Variants in KCNC4 observed in about 807,000 individuals in gnomAD.
KCNC4 encodes voltage-gated potassium channel KCNC4.
KCNC4 carries 23 observed loss-of-function variants against 42.8 expected under a neutral mutation model. The ratio of observed to expected loss-of-function variants is 0.54; its 90% CI spans 0.39 to 0.76. The LOEUF is 0.76. Among genes scored for constraint, KCNC4 ranks in the 30% least tolerant of loss-of-function variants. The probability of loss-of-function intolerance (pLI) is 0.00; values close to 1 mark genes in which losing one functional copy is unlikely to be tolerated. For synonymous variants in KCNC4, 422 were observed against 393.5 expected, an observed-to-expected ratio of 1.07 and a Z score of -0.86; for missense variants, 751 against 898.2, an observed-to-expected ratio of 0.84 and a Z score of 2.10.
intron 1 of KCNC4, among the ~76,000 whole-genome samples, chr1:110,264,923 A>T (rs1659511353): frequency 6.6e-6 from 1 of 152,106 alleles, no homozygotes; most frequent in South Asian, 2.1e-4. Context: ...CTCTACTAAA[A>T]ATACAAAAAT....
chr1:110,231,527 C>G (rs1658692196), intron 3 of KCNC4, among the ~76,000 whole-genome samples: 1 of 118,858 alleles, frequency 8.4e-6, no homozygotes, highest in African/African-American at 3.3e-5. Flanking sequence ...TCTGTCTCAT[C>G]CTAGACCCAT....
rs895665088 is a variant in KCNC4, at chr1:110,211,188, G to A, written c.-312G>A. 6.6e-6 allele frequency among the ~76,000 whole-genome samples: 1 copy of A among 152,222 alleles called. No homozygotes were observed. The highest frequency in any genetic ancestry group is 1.5e-5 in the Non-Finnish European group (1 of 68,046). On this transcript the variant is annotated 5_prime_UTR_variant, in exon 1 of 4. Coordinates refer to ENST00000438661, the MANE Select transcript of KCNC4 (RefSeq NM_001039574.3). The surrounding 1 kb of genome is among the most constrained non-coding windows in gnomAD (Gnocchi z 6.5). ...CGGGGGCGTGTCCCCGGCCCAGAGC[G>A]TTTGTGTGTCCCGTCGTAGCGGGGG...
At chr1:110,257,956 A>T (rs1415514123) in intron 1 of KCNC4, among the ~76,000 whole-genome samples, 2 of 152,186 alleles carry the variant, frequency 1.3e-5, no homozygotes, top group Non-Finnish European at 2.9e-5. Flanking sequence ...TGCATGCCTG[A>T]CCTGTCTGCC....
chr1:110,211,945 G>T lies in KCNC4; in HGVS notation c.446G>T (p.Arg149Leu). The T allele has an allele frequency of 6.2e-7, 1 of 1,611,392 alleles. No homozygotes were observed. The highest frequency in any genetic ancestry group is 8.5e-7 in the Non-Finnish European group (1 of 1,179,768). Residue 149 changes from arginine (R) to leucine (L), a missense_variant, in exon 1 of 4, where the codon CGG becomes CTG. By Grantham distance (102) the Arg-to-Leu change is moderately radical. Transcript: ENST00000438661. This position sits in a 1 kb window ranked among gnomAD's most constrained non-coding sequence, Gnocchi z 6.5. The stretch of plus-strand genomic sequence containing the variant: ...GAACCCTGCTGCTGGATGACCTACC[G>T]GCAGCACCGCGACGCCGAGGAGGCG... ...DVEPCCWMTY[R>L]QHRDAEEALD...
At chr1:110,252,564 G>A (rs1659266052), downstream of KCNC4, among the ~76,000 whole-genome samples, 1 of 152,172 alleles carries the variant, frequency 6.6e-6, no homozygotes, top group African/African-American at 2.4e-5. Flanking sequence ...TCACCGGAGA[G>A]AGGTTGGATG....
At chr1:110,230,231 A>G (rs1484194843) in intron 3 of KCNC4, among the ~76,000 whole-genome samples, 1 of 152,176 alleles carries the variant, frequency 6.6e-6, no homozygotes, top group African/African-American at 2.4e-5. Context: ...TGCTCTCAGA[A>G]TGAAGTGACC....
chr1:110,273,262 G>A (rs999008240), intron 1 of KCNC4, among the ~76,000 whole-genome samples: 8 of 152,090 alleles, frequency 5.3e-5, no homozygotes, highest in African/African-American at 1.9e-4. Flanking sequence ...CATAGATATG[G>A]GCCTGACCCT....
At chr1:110,232,827 C>G in intron 3 of KCNC4, 84 bp from the exon 4 acceptor site, 1 of 1,552,488 alleles carries the variant, frequency 6.4e-7, no homozygotes, top group Admixed American at 2.0e-5. Context: ...TTTTGCTGAA[C>G]TCCCTGTCCC....
At chr1:110,218,590 C>CG in intron 1 of KCNC4, among the ~76,000 whole-genome samples, 2 of 151,954 alleles carry the variant, frequency 1.3e-5, no homozygotes, top group African/African-American at 4.8e-5. Flanking sequence ...TGTAAGGTCC[C>CG]GGGGCAAGGG....
At chr1:110,279,217 C>T (rs1472764431) in intron 1 of KCNC4, among the ~76,000 whole-genome samples, 1 of 152,190 alleles carries the variant, frequency 6.6e-6, no homozygotes, top group Non-Finnish European at 1.5e-5. Flanking sequence ...TGAGCTGGAG[C>T]ATGGCTAAAC....
downstream of KCNC4, chr1:110,237,092 G>A (rs181340379): frequency 1.2e-4 from 19 of 152,074 alleles, 1 homozygote; most frequent in African/African-American, 4.6e-4. Flanking sequence ...TGGATTGCTT[G>A]AGGCCAGAAG....
At chr1:110,260,550 GAA>G (rs1659406249) in intron 1 of KCNC4, among the ~76,000 whole-genome samples, 1 of 152,152 alleles carries the variant, frequency 6.6e-6, no homozygotes, top group South Asian at 2.1e-4. Context: ...AAAACAAAAA[GAA>G]TATTTCTGGG....
intron 1 of KCNC4, among the ~76,000 whole-genome samples, chr1:110,271,734 CTGT>C (rs1244055194): frequency 6.7e-6 from 1 of 150,076 alleles, no homozygotes; most frequent in African/African-American, 2.5e-5. Context: ...CATGTGGGGG[CTGT>C]TTCTATTGCA....
chr1:110,228,653 C>G (rs946969444), intron 3 of KCNC4: 3 of 152,758 alleles, frequency 2.0e-5, no homozygotes, highest in African/African-American at 7.2e-5. Flanking sequence ...CTGCTCACCC[C>G]CTTCCACCCC....
chr1:110,232,350 C>T, intron 3 of KCNC4: 1 of 1,600,522 alleles, frequency 6.2e-7, no homozygotes. Context: ...ACTCAGGAGC[C>T]TTCTTCACCA....
chr1:110,273,139 C>A (rs187241224), intron 1 of KCNC4, among the ~76,000 whole-genome samples: 2 of 152,296 alleles, frequency 1.3e-5, no homozygotes, highest in Admixed American at 1.3e-4. Context: ...GACCCAGGAG[C>A]TGAAAGAGGG....
At position 110,260,006 on chromosome 1, in the gene KCNC4, C is replaced by T. The variant is rs182515728; in HGVS notation, n.31-22528C>T. Among the ~76,000 whole-genome samples the T allele has an allele frequency of 1.4e-4, 21 of 152,328 alleles. No homozygotes were observed. In the East Asian group the frequency reaches 3.5e-3, roughly 25 times the overall value. ...GGCTGCATTGTCCCAGCAGAACGCCCAGCAGGCCTGGGCATGCATCTCAGA... is the reference window on the plus strand; with the variant it reads ...GGCTGCATTGTCCCAGCAGAACGCCTAGCAGGCCTGGGCATGCATCTCAGA... On this transcript the variant is annotated intron_variant and non_coding_transcript_variant, in intron 1 of 2. Transcript: ENST00000412512.
chr1:110,215,558 A>G (rs138043927), intron 1 of KCNC4, among the ~76,000 whole-genome samples: 1 of 152,344 alleles, frequency 6.6e-6, no homozygotes, highest in East Asian at 1.9e-4. Flanking sequence ...TAAGGATTAC[A>G]GTTCCTCTCC....
chr1:110,248,089 T>C (rs1459357236), exon 4 of KCNC4: 3 of 152,378 alleles, frequency 2.0e-5, no homozygotes, highest in Non-Finnish European at 4.4e-5. Flanking sequence ...ACCTGGAGGA[T>C]GCCTGCATGT....
Sources: allele counts gnomAD v4.1 joint callset (sites outside exome capture counted in the v4.1 genomes callset), GRCh38; gene constraint gnomAD v4.1.1; non-coding constraint Gnocchi (gnomAD v3.1); transcripts MANE v1.5; gene names NCBI Gene and HGNC (gene_info 2026-07-23, HGNC 2026-07-21).